Variants in PRKG1 observed in about 807,000 individuals in gnomAD.
PRKG1 encodes cGMP-dependent protein kinase 1.
In PRKG1, 35 loss-of-function variants were observed where a neutral mutation model predicts 88.1. The ratio of observed to expected loss-of-function variants is 0.40; its 90% CI spans 0.30 to 0.53. The LOEUF (loss-of-function observed/expected upper bound fraction) is 0.53, where lower values mean the gene tolerates loss of function less well. Among genes scored for constraint, PRKG1 ranks in the 20% least tolerant of loss-of-function variants. The probability of loss-of-function intolerance (pLI) is 0.59; values close to 1 mark genes in which losing one functional copy is unlikely to be tolerated. For missense variants in PRKG1, 540 were observed against 839.8 expected (o/e 0.64, Z 4.41); for synonymous variants, 303 against 292.5 (o/e 1.04, Z -0.37).
At chr10:51,926,854 C>T (rs1029627497) in intron 5 of PRKG1, among the ~76,000 whole-genome samples, 3 of 94,540 alleles carry the variant, frequency 3.2e-5, no homozygotes, top group Non-Finnish European at 5.9e-5. Flanking sequence ...TTCTGCCATA[C>T]CTTTTAGTGT....
At chr10:52,134,318 G>A (rs1170719638) in intron 8 of PRKG1, among the ~76,000 whole-genome samples, 4 of 152,074 alleles carry the variant, frequency 2.6e-5, no homozygotes, top group African/African-American at 9.7e-5. Flanking sequence ...TTTTTTAGTA[G>A]TTTTAGTTAT....
chr10:51,387,600 C>A (rs1837287168), intron 2 of PRKG1, among the ~76,000 whole-genome samples: 1 of 152,052 alleles, frequency 6.6e-6, no homozygotes. Context: ...AGGCTTGGTA[C>A]CTGAATTGAT....
chr10:51,985,848 G>T (rs1462694026), intron 5 of PRKG1, among the ~76,000 whole-genome samples: 1 of 152,100 alleles, frequency 6.6e-6, no homozygotes, highest in African/African-American at 2.4e-5. Context: ...TTACAATGGG[G>T]TTACATCCTG....
rs373472233 is a variant in PRKG1 at position 52,204,105 on chromosome 10, TA to T, written c.1076+42143del. 9.7e-3 allele frequency among the ~76,000 whole-genome samples: 190 copies of T among 19,644 alleles called. 1 individual carries two copies. The highest frequency in any genetic ancestry group is 0.014 in the African/African-American group (173 of 12,486). The allele number at this position is 19,644 out of a possible 152,430, so 12.9% of individuals were successfully genotyped here. On this transcript the variant is annotated intron_variant, in intron 9 of 17. Coordinates refer to ENST00000373980, the MANE Select transcript of PRKG1 (RefSeq NM_006258.4). The stretch of plus-strand genomic sequence containing the variant: ...TTATTATTATTATTATTATTATTAT[TA>T]TTTTTTGTTTTTGAGATGGACTCTT...
At chr10:51,335,762 GC>G (rs1249565935) in intron 2 of PRKG1, among the ~76,000 whole-genome samples, 1 of 152,162 alleles carries the variant, frequency 6.6e-6, no homozygotes, top group African/African-American at 2.4e-5. Flanking sequence ...CTTTCAGGGA[GC>G]AGCCAACTTC....
chr10:52,185,035 A>C (rs1454253552), intron 9 of PRKG1: 1 of 152,118 alleles, frequency 6.6e-6, no homozygotes, highest in African/African-American at 2.4e-5. Context: ...GGCCCCCTAA[A>C]TCTTATGTCC....
chr10:51,262,793 C>CT (rs2098402870), intron 2 of PRKG1, among the ~76,000 whole-genome samples: 2 of 152,144 alleles, frequency 1.3e-5, no homozygotes, highest in Non-Finnish European at 2.9e-5. Flanking sequence ...AGTGCCCACA[C>CT]TTTGAAGCCA....
rs1841048879 is a variant in PRKG1, at chr10:51,867,628, G to GT, written c.699-39878dup. 3.9e-5 allele frequency among the ~76,000 whole-genome samples: 6 copies of GT among 152,166 alleles called. No individual in the cohort carries two copies. In the South Asian group the frequency reaches 1.2e-3, roughly 32 times the overall value. ...GAGTCTAGGAAACTGCCCAGCTTGGGTAACTGTCGGAGGTGATATAGACTG... is the reference window on the plus strand; with the variant it reads ...GAGTCTAGGAAACTGCCCAGCTTGGGTTAACTGTCGGAGGTGATATAGACTG... On this transcript the variant is annotated intron_variant, in intron 4 of 17. Transcript: ENST00000373980.
At chr10:52,091,666 A>G (rs1847059336) in intron 7 of PRKG1, among the ~76,000 whole-genome samples, 3 of 152,210 alleles carry the variant, frequency 2.0e-5, no homozygotes. Context: ...TCAGTGGGTT[A>G]AACAGTCTTG....
At chr10:51,603,670 T>C (rs1239175382) in intron 3 of PRKG1, among the ~76,000 whole-genome samples, 1 of 152,166 alleles carries the variant, frequency 6.6e-6, no homozygotes, top group Non-Finnish European at 1.5e-5. Flanking sequence ...GATCTTGGGG[T>C]ACAACCATGA....
chr10:51,217,086 C>A (rs559944555), intron 2 of PRKG1, among the ~76,000 whole-genome samples: 1 of 151,982 alleles, frequency 6.6e-6, no homozygotes, highest in African/African-American at 2.4e-5. Flanking sequence ...AGTTTAATAC[C>A]CACTGAGGCC....
intron 1 of PRKG1, among the ~76,000 whole-genome samples, chr10:51,113,175 T>C (rs1239056742): frequency 1.3e-5 from 2 of 152,184 alleles, no homozygotes; most frequent in Non-Finnish European, 2.9e-5. Context: ...TGTAGTAAAA[T>C]AGACATGGAT....
chr10:51,157,955 A>G (rs1846255994), intron 2 of PRKG1, among the ~76,000 whole-genome samples: 1 of 151,938 alleles, frequency 6.6e-6, no homozygotes, highest in African/African-American at 2.4e-5. Context: ...ATGTATAGTG[A>G]ACATATCAGG....
chr10:51,017,662 G>T (rs1843085478), intron 1 of PRKG1, among the ~76,000 whole-genome samples: 1 of 151,998 alleles, frequency 6.6e-6, no homozygotes, highest in Admixed American at 6.6e-5. Flanking sequence ...TTTTCCTGGG[G>T]CTCTATTAAT....
intron 2 of PRKG1, among the ~76,000 whole-genome samples, chr10:51,294,643 C>T (rs1840671178): frequency 6.6e-6 from 1 of 152,156 alleles, no homozygotes; most frequent in African/African-American, 2.4e-5. Flanking sequence ...TAAACTAATA[C>T]TTCTGGGCTC....
At chr10:51,352,276 T>A (rs759743967) in intron 2 of PRKG1, among the ~76,000 whole-genome samples, 27 of 152,042 alleles carry the variant, frequency 1.8e-4, no homozygotes, top group Non-Finnish European at 3.5e-4. Flanking sequence ...TTTTTCTAAT[T>A]CTGTGAAGAA....
At chr10:51,674,047 T>C (rs1840648119) in intron 3 of PRKG1, among the ~76,000 whole-genome samples, 1 of 152,218 alleles carries the variant, frequency 6.6e-6, no homozygotes, top group Admixed American at 6.5e-5. Flanking sequence ...TATTGGAGAA[T>C]ACCAAGAGAC....
chr10:51,989,315 G>A (rs1234935889), intron 5 of PRKG1, among the ~76,000 whole-genome samples: 1 of 152,070 alleles, frequency 6.6e-6, no homozygotes, highest in Non-Finnish European at 1.5e-5. Flanking sequence ...GTAGGGAACA[G>A]TTGCAAGGTG....
chr10:51,903,701 T>C (rs1480400672), intron 4 of PRKG1, among the ~76,000 whole-genome samples: 1 of 152,184 alleles, frequency 6.6e-6, no homozygotes, highest in Admixed American at 6.6e-5. Flanking sequence ...GTTACTAATA[T>C]TATTTATTTA....
Sources: allele counts gnomAD v4.1 joint callset (sites outside exome capture counted in the v4.1 genomes callset), GRCh38; gene constraint gnomAD v4.1.1; transcripts MANE v1.5; gene names NCBI Gene and HGNC (gene_info 2026-07-23, HGNC 2026-07-21).